ACSF2: variants seen among roughly 807,000 people sequenced by gnomAD.
The protein encoded by ACSF2 is acyl-CoA synthetase family member 2, also known as medium-chain acyl-CoA ligase ACSF2, mitochondrial.
ACSF2 carries 52 observed loss-of-function variants against 79.3 expected under a neutral mutation model. The observed-to-expected ratio is 0.66, with a 90% CI of 0.53 to 0.83. The LOEUF is 0.83. Among genes scored for constraint, ACSF2 ranks in the 40% least tolerant of loss-of-function variants. ACSF2 has a pLI of 0.00. For missense variants in ACSF2, 661 were observed against 803.3 expected (o/e 0.82, Z 2.14); for synonymous variants, 283 against 312.6 (o/e 0.91, Z 1.00).
rs1378854669 is a variant in ACSF2, at chr17:50,463,305, G to T, written c.888+54G>T. On this transcript the variant is annotated intron_variant, in intron 7 of 15. Transcript: ENST00000300441. This position sits in a 1 kb window ranked among gnomAD's most constrained non-coding sequence, Gnocchi z 4.6. Reference sequence around the variant, plus strand: ...CTGCAGGAGGGGTGGCTCAGGCAGGGGTGGGGGGCTGGCTGGGCTCCCCTT... The same window carrying T: ...CTGCAGGAGGGGTGGCTCAGGCAGGTGTGGGGGGCTGGCTGGGCTCCCCTT... The T allele has an allele frequency of 1.2e-6, 2 of 1,611,780 alleles. No individual in the cohort carries two copies. Among genetic ancestry groups the T allele is most frequent in the African/African-American group, 2.7e-5 (2 of 74,898 alleles).
intron 1 of ACSF2, chr17:50,426,882 G>C: frequency 6.5e-7 from 1 of 1,535,348 alleles, no homozygotes; most frequent in Non-Finnish European, 8.7e-7. Context: ...CCTACTCCTG[G>C]GCCTATTTCC....
chr17:50,468,356 T>C (rs2032882965), intron 10 of ACSF2: 1 of 1,614,088 alleles, frequency 6.2e-7, no homozygotes, highest in South Asian at 1.1e-5. Flanking sequence ...GTTGTTGAGC[T>C]GCAAGATGAA....
At chr17:50,426,849 A>G in intron 1 of ACSF2, 1 of 1,513,508 alleles carries the variant, frequency 6.6e-7, no homozygotes, top group Non-Finnish European at 8.9e-7. Context: ...GCTGCTCACT[A>G]ACATGGCTTT....
At position 50,463,323 on chromosome 17, in the gene ACSF2, C is replaced by A; in HGVS notation, c.888+72C>A. The A allele has an allele frequency of 6.2e-7, 1 of 1,609,664 alleles. No individual in the cohort carries two copies. The highest frequency in any genetic ancestry group is 8.5e-7 in the Non-Finnish European group (1 of 1,177,514). ...AGGCAGGGGTGGGGGGCTGGCTGGG[C>A]TCCCCTTGCCAGCTAGAGAGGAACT... On this transcript the variant is annotated intron_variant, in intron 7 of 15. Coordinates refer to ENST00000300441, the MANE Select transcript of ACSF2 (RefSeq NM_025149.6). The surrounding 1 kb of genome is among the most constrained non-coding windows in gnomAD (Gnocchi z 4.6).
intron 1 of ACSF2, among the ~76,000 whole-genome samples, chr17:50,442,040 C>T (rs760836100): frequency 2.0e-5 from 3 of 152,068 alleles, no homozygotes; most frequent in Non-Finnish European, 4.4e-5. Flanking sequence ...CACGGTGGCT[C>T]ACACCTGTAA....
intron 10 of ACSF2, chr17:50,468,549 C>T: frequency 6.2e-7 from 1 of 1,614,238 alleles, no homozygotes; most frequent in Non-Finnish European, 8.5e-7. Flanking sequence ...GCGGCCACCT[C>T]GCGGATCTGG....
chr17:50,457,338 T>TA (rs1172245575), intron 1 of ACSF2, among the ~76,000 whole-genome samples: 8 of 152,174 alleles, frequency 5.3e-5, no homozygotes, highest in Non-Finnish European at 1.0e-4. Context: ...CAGGGCCCCC[T>TA]AGGCTGAGGA....
Position 50,474,083 on chromosome 17 carries a change from G to A in ACSF2, c.1728+79G>A, listed in dbSNP as rs1338600039. Reference sequence around the variant, plus strand: ...TCCTCTGCCAACCAGCCCAGGGTGGGGATTGCTCTGCCCTTGACGAAGCTG... The same window carrying A: ...TCCTCTGCCAACCAGCCCAGGGTGGAGATTGCTCTGCCCTTGACGAAGCTG... On this transcript the variant is annotated intron_variant, in intron 14 of 15. Coordinates refer to ENST00000300441, the MANE Select transcript of ACSF2 (RefSeq NM_025149.6). The surrounding 1 kb of genome is among the most constrained non-coding windows in gnomAD (Gnocchi z 4.2). The A allele has an allele frequency of 4.5e-6, 7 of 1,571,230 alleles. No individual in the cohort carries two copies. The highest frequency in any genetic ancestry group is 6.1e-6 in the Non-Finnish European group (7 of 1,150,434).
At chr17:50,433,837 G>A (rs921424258) in intron 1 of ACSF2, among the ~76,000 whole-genome samples, 6 of 151,910 alleles carry the variant, frequency 3.9e-5, no homozygotes, top group Non-Finnish European at 1.5e-5. Flanking sequence ...GTTGCCCCAG[G>A]TGGTCTCAAA....
chr17:50,448,994 A>G (rs1223207662), intron 1 of ACSF2, among the ~76,000 whole-genome samples: 1 of 149,706 alleles, frequency 6.7e-6, no homozygotes, highest in Non-Finnish European at 1.5e-5. Flanking sequence ...GTTGTATGAC[A>G]TATACAATAT....
chr17:50,471,142 C>G lies in ACSF2; in HGVS notation c.1323+7C>G. 2 of 1,612,768 alleles carry G rather than the reference C, an allele frequency of 1.2e-6. No individual in the cohort carries two copies. Among genetic ancestry groups the G allele is most frequent in the Non-Finnish European group, 1.7e-6 (2 of 1,178,898 alleles). On this transcript the variant is annotated splice_region_variant and intron_variant, in intron 11 of 15. Transcript: ENST00000300441. This position sits in a 1 kb window ranked among gnomAD's most constrained non-coding sequence, Gnocchi z 4.1. ...AATTATGCCTCACACGGAGGTGAGC[C>G]CCTGACCAAGACTCCAAAGTCCCAC...
intron 1 of ACSF2, among the ~76,000 whole-genome samples, chr17:50,438,791 T>G (rs1237448274): frequency 6.6e-6 from 1 of 152,022 alleles, no homozygotes; most frequent in East Asian, 1.9e-4. Flanking sequence ...GGTCTCAAAC[T>G]CCTGATCTCA....
intron 10 of ACSF2, chr17:50,464,703 C>A: frequency 4.6e-6 from 2 of 433,254 alleles, no homozygotes; most frequent in Non-Finnish European, 9.1e-6. Flanking sequence ...GAAAGAGGAA[C>A]AGAGGAAGGA....
chr17:50,437,136 G>A (rs1414568619), intron 1 of ACSF2, among the ~76,000 whole-genome samples: 2 of 152,168 alleles, frequency 1.3e-5, no homozygotes, highest in Non-Finnish European at 1.5e-5. Flanking sequence ...GTGGCTTGGC[G>A]AGTGGCACAT....
At chr17:50,431,786 C>T (rs1030370640) in intron 1 of ACSF2, among the ~76,000 whole-genome samples, 3 of 152,162 alleles carry the variant, frequency 2.0e-5, no homozygotes, top group Non-Finnish European at 2.9e-5. Context: ...CTGCTGATCC[C>T]GGCCTCTATT....
intron 1 of ACSF2, among the ~76,000 whole-genome samples, chr17:50,452,150 T>A (rs2031716701): frequency 6.6e-6 from 1 of 152,332 alleles, no homozygotes; most frequent in South Asian, 2.1e-4. Flanking sequence ...CTGGTCTCAG[T>A]CCCACCTGGG....
At chr17:50,430,230 G>A (rs1463480206) in intron 1 of ACSF2, among the ~76,000 whole-genome samples, 1 of 152,212 alleles carries the variant, frequency 6.6e-6, no homozygotes, top group Admixed American at 6.5e-5. Context: ...ATATAAGACT[G>A]TGGACCTAAG....
chr17:50,454,382 CA>C (rs537100624), intron 1 of ACSF2, among the ~76,000 whole-genome samples: 8 of 150,202 alleles, frequency 5.3e-5, no homozygotes, highest in African/African-American at 1.5e-4. Context: ...TTTTCAAAAG[CA>C]AAAAAAAGAA....
At chr17:50,438,986 G>A (rs2030661355) in intron 1 of ACSF2, among the ~76,000 whole-genome samples, 1 of 152,108 alleles carries the variant, frequency 6.6e-6, no homozygotes, top group Admixed American at 6.6e-5. Flanking sequence ...TTTAAACATG[G>A]AAAGTACTTA....
Sources: gnomAD v4.1 joint callset for allele counts (sites outside exome capture counted in the v4.1 genomes callset) on GRCh38, gnomAD v4.1.1 for gene constraint, Gnocchi (gnomAD v3.1) non-coding constraint, MANE v1.5 for transcripts, NCBI Gene and HGNC (gene_info 2026-07-23, HGNC 2026-07-21) for gene names.